BSN: variants seen among roughly 807,000 people sequenced by gnomAD.
BSN encodes the protein protein bassoon.
Under a neutral mutation model 264.8 loss-of-function variants are expected in BSN, and 57 were observed. The ratio of observed to expected loss-of-function variants is 0.22; its 90% CI spans 0.17 to 0.27. The LOEUF is 0.27. Ranked by LOEUF, BSN falls within the 10% of genes least tolerant of loss-of-function variation. The pLI is 1.00. For synonymous variants in BSN, 2,059 were observed against 2,137.3 expected (o/e 0.96, Z 1.01); for missense variants, 4,615 against 5,232.5 (o/e 0.88, Z 3.64).
chr3:49,614,247 G>C (rs2052239517), intron 1 of BSN, among the ~76,000 whole-genome samples: 6 of 151,878 alleles, frequency 4.0e-5, no homozygotes, highest in Admixed American at 3.9e-4. Context: ...TTTTAGTAGA[G>C]ACAGGGTTTC....
chr3:49,673,087 C>CTTTTTTTTTTTTTTTTTTTTTTTTTTTTT (rs71080543), downstream of BSN, among the ~76,000 whole-genome samples: 1 of 43,198 alleles, frequency 2.3e-5, no homozygotes, highest in Non-Finnish European at 4.3e-5. Context: ...CCGGCCGGGA[C>CTTTTTTTTTTTTTTTTTTTTTTTTTTTTT]TTTTTTTTTT....
intron 5 of BSN, 81 bp downstream of exon 5, chr3:49,658,277 T>TG: frequency 6.9e-7 from 1 of 1,451,056 alleles, no homozygotes; most frequent in African/African-American, 1.4e-5. Flanking sequence ...GGGCTTCTTC[T>TG]GGGGTGGGAG....
At chr3:49,672,025 C>CTTTTT (rs34710169), downstream of BSN, among the ~76,000 whole-genome samples, 2 of 100,410 alleles carry the variant, frequency 2.0e-5, no homozygotes, top group Admixed American at 1.2e-4. Context: ...GTTGCTAGAC[C>CTTTTT]TTTTTTTTTT....
At position 49,670,187 on chromosome 3, in the gene BSN, T is replaced by A. The variant is rs2052745195; in HGVS notation, c.*2702T>A. 1 of 152,444 alleles carries A rather than the reference T, an allele frequency of 6.6e-6. No individual in the cohort carries two copies. Among genetic ancestry groups the A allele is most frequent in the African/African-American group, 2.4e-5 (1 of 41,450 alleles). 9.4% of individuals were successfully genotyped at this position (152,444 alleles called of 1,614,324 possible). On this transcript the variant is annotated 3_prime_UTR_variant, in exon 12 of 12. Transcript: ENST00000296452. ...ATCAGGTATGGGCTGAATGCAGCCA[T>A]CTGAGCAAGGGCTGAGGGAAGCCAT...
chr3:49,640,994 G>GGA (rs983890517), intron 2 of BSN, among the ~76,000 whole-genome samples: 6 of 152,240 alleles, frequency 3.9e-5, no homozygotes, highest in African/African-American at 1.4e-4. Context: ...ACAGCCAAGG[G>GGA]GAGATGGCAG....
chr3:49,658,632 C>T (rs1275902914), intron 5 of BSN, among the ~76,000 whole-genome samples: 1 of 152,190 alleles, frequency 6.6e-6, no homozygotes, highest in Non-Finnish European at 1.5e-5. Flanking sequence ...TCCTCTCAGT[C>T]CTGGCCTGGT....
intron 3 of BSN, among the ~76,000 whole-genome samples, chr3:49,644,242 G>T (rs1480209479): frequency 6.6e-6 from 1 of 152,196 alleles, no homozygotes; most frequent in Non-Finnish European, 1.5e-5. Context: ...CTGGTCTCTT[G>T]GGCTGAGCCA....
chr3:49,666,594 A>G (rs1440662442), intron 11 of BSN, among the ~76,000 whole-genome samples: 1 of 152,266 alleles, frequency 6.6e-6, no homozygotes, highest in Non-Finnish European at 1.5e-5. Context: ...TGCTCTAGAC[A>G]AAGTGCTCAG....
At chr3:49,643,414 C>G (rs993258642) in intron 3 of BSN, among the ~76,000 whole-genome samples, 2 of 152,204 alleles carry the variant, frequency 1.3e-5, no homozygotes, top group African/African-American at 4.8e-5. Flanking sequence ...TCCCAGAGTC[C>G]CTGAGCTGGC....
intron 1 of BSN, among the ~76,000 whole-genome samples, chr3:49,606,328 T>TATATTATTATATATATTAAAA (rs1559603760): frequency 2.0e-5 from 1 of 49,878 alleles, no homozygotes; most frequent in African/African-American, 4.9e-5. Flanking sequence ...ATTAAAAATA[T>TATATTATTATATATATTAAAA]ATATATATTT....
Position 49,663,228 on chromosome 3 carries a change from T to C in BSN, c.11070T>C (p.Ala3690=), listed in dbSNP as rs2052679854. ...RPHSQPSSAP[A]MPKKGQPGYP... Reference sequence around the variant, plus strand: ...ACTCTCAGCCCAGCTCTGCTCCAGCTATGCCGAAGAAGGGTCAGCCTGGGT... The same window carrying C: ...ACTCTCAGCCCAGCTCTGCTCCAGCCATGCCGAAGAAGGGTCAGCCTGGGT... The change falls in exon 7 of 12, where the codon GCT becomes GCC. Residue 3690 remains alanine, a synonymous_variant. Transcript: ENST00000296452. 2 of 1,614,116 alleles carry C rather than the reference T, an allele frequency of 1.2e-6. No homozygotes were observed. The highest frequency in any genetic ancestry group is 2.2e-5 in the East Asian group (1 of 44,888).
intron 5 of BSN, among the ~76,000 whole-genome samples, chr3:49,658,978 C>G (rs2052632759): frequency 6.6e-6 from 1 of 152,138 alleles, no homozygotes; most frequent in African/African-American, 2.4e-5. Flanking sequence ...CCCTGGAAGC[C>G]TCTGGAGGTT....
intron 1 of BSN, among the ~76,000 whole-genome samples, chr3:49,618,868 C>T (rs1157562094): frequency 6.6e-6 from 1 of 152,162 alleles, no homozygotes; most frequent in Admixed American, 6.5e-5. Flanking sequence ...ACCAGAGGCT[C>T]TTGGAGGACT....
Position 49,655,933 on chromosome 3 carries a change from A to G in BSN, c.6377A>G (p.Gln2126Arg), listed in dbSNP as rs765747764. The G allele has an allele frequency of 1.9e-6, 3 of 1,611,486 alleles. No individual in the cohort carries two copies. The highest frequency in any genetic ancestry group is 1.7e-6 in the Non-Finnish European group (2 of 1,179,882). Residue 2126 changes from glutamine to arginine, a missense_variant, in exon 5 of 12, where the codon CAG (glutamine) becomes CGG (arginine). Gln to Arg is a conservative substitution (Grantham distance 43). Around this residue, in one of 3 missense-constraint regions of BSN, gnomAD observed 3,415 missense variants for 3,866.4 expected, o/e 0.88. Coordinates refer to ENST00000296452, the MANE Select transcript of BSN (RefSeq NM_003458.4). ...GGTGGTGGTGGCCCTGACCTTGTGC[A>G]GTACCAGCCCCAGCACGGGCCCGGG... ...GSGGGGPDLV[Q>R]YQPQHGPGLS...
intron 1 of BSN, among the ~76,000 whole-genome samples, chr3:49,565,497 T>A (rs1050465374): frequency 6.6e-6 from 1 of 152,018 alleles, no homozygotes; most frequent in Admixed American, 6.6e-5. Flanking sequence ...ATTTTTTGTA[T>A]GTTTAATAGA....
chr3:49,560,845 C>G (rs567729277), intron 1 of BSN, among the ~76,000 whole-genome samples: 1 of 152,118 alleles, frequency 6.6e-6, no homozygotes, highest in Non-Finnish European at 1.5e-5. Flanking sequence ...CTGTACAGAT[C>G]GGGCTTCTAG....
chr3:49,586,148 G>A (rs1250218117), intron 1 of BSN, among the ~76,000 whole-genome samples: 1 of 152,112 alleles, frequency 6.6e-6, no homozygotes, highest in African/African-American at 2.4e-5. Flanking sequence ...GCCTGTGCTT[G>A]TTGGGTATTG....
Position 49,663,203 on chromosome 3 carries a change from A to G in BSN, c.11045A>G (p.His3682Arg). ...CTGGGTCGCCATGAGGCCCGGCCCC[A>G]CTCTCAGCCCAGCTCTGCTCCAGCT... ...RDLGRHEARP[H>R]SQPSSAPAMP... Residue 3682 changes from histidine (H) to arginine (R), a missense_variant, in exon 7 of 12, where the codon CAC (histidine) becomes CGC (arginine). By Grantham distance (29) the His-to-Arg change is conservative. This residue lies in a region of BSN where 3,415 missense variants were observed against 3,866.4 expected (regional missense o/e 0.88). Transcript: ENST00000296452. The G allele has an allele frequency of 6.2e-7, 1 of 1,613,906 alleles. No homozygotes were observed. The highest frequency in any genetic ancestry group is 8.5e-7 in the Non-Finnish European group (1 of 1,179,972).
At chr3:49,558,603 A>G (rs1345148286) in intron 1 of BSN, among the ~76,000 whole-genome samples, 2 of 152,242 alleles carry the variant, frequency 1.3e-5, no homozygotes, top group South Asian at 2.1e-4. Flanking sequence ...TCTGGCACTA[A>G]CTTGTAAAGA....
Sources: gnomAD v4.1 joint callset for allele counts (sites outside exome capture counted in the v4.1 genomes callset) on GRCh38, gnomAD v4.1.1 for gene constraint, gnomAD v4.1.1 regional missense constraint, MANE v1.5 for transcripts, NCBI Gene and HGNC (gene_info 2026-07-23, HGNC 2026-07-21) for gene names.